ULK4: variants seen among roughly 807,000 people sequenced by gnomAD.
The protein encoded by ULK4 is inactive serine/threonine-protein kinase ULK4.
Under a neutral mutation model 160.6 loss-of-function variants are expected in ULK4, and 133 were observed. The ratio of observed to expected loss-of-function variants is 0.83; its 90% CI spans 0.72 to 0.96. The LOEUF (loss-of-function observed/expected upper bound fraction) is 0.96. Ranked by LOEUF, ULK4 falls within the 40% of genes least tolerant of loss-of-function variation. ULK4 has a pLI of 0.00. For missense variants in ULK4, 1,580 were observed against 1,499.5 expected, an observed-to-expected ratio of 1.05 and a Z score of -0.89; for synonymous variants, 534 against 539.8, an observed-to-expected ratio of 0.99 and a Z score of 0.15.
At position 41,581,283 on chromosome 3, in the gene ULK4, T is replaced by C. The variant is rs1443071224; in HGVS notation, c.3121-15153A>G. 2.0e-5 allele frequency among the ~76,000 whole-genome samples: 3 copies of C among 152,058 alleles called. No individual in the cohort carries two copies. In the South Asian group the frequency reaches 6.2e-4, roughly 32 times the overall value. Reference sequence around the variant, plus strand: ...GGTGGGGAGGCAGGCAGAGAGTACGTTTACCTTCTCAATCATAGGGTTTTG... The same window carrying C: ...GGTGGGGAGGCAGGCAGAGAGTACGCTTACCTTCTCAATCATAGGGTTTTG... On this transcript the variant is annotated intron_variant, in intron 31 of 36. Coordinates refer to ENST00000301831, the MANE Select transcript of ULK4 (RefSeq NM_017886.4).
At chr3:41,758,693 G>A in intron 21 of ULK4, among the ~76,000 whole-genome samples, 1 of 152,014 alleles carries the variant, frequency 6.6e-6, no homozygotes, top group East Asian at 1.9e-4. Flanking sequence ...AGATCACAGT[G>A]AAACCCCGTC....
intron 34 of ULK4, among the ~76,000 whole-genome samples, chr3:41,437,428 T>C (rs2125852790): frequency 6.6e-6 from 1 of 152,336 alleles, no homozygotes; most frequent in South Asian, 2.1e-4. Context: ...AATCACTATG[T>C]AGATATTTCT....
intron 35 of ULK4, among the ~76,000 whole-genome samples, chr3:41,330,826 T>C (rs188167752): frequency 1.9e-4 from 29 of 152,310 alleles, no homozygotes; most frequent in Admixed American, 3.9e-4. Context: ...CATGCTTACA[T>C]TGGCTACAGA....
chr3:41,316,049 C>T (rs770891505), intron 35 of ULK4, among the ~76,000 whole-genome samples: 2 of 151,944 alleles, frequency 1.3e-5, no homozygotes, highest in African/African-American at 4.8e-5. Flanking sequence ...TATGAACACA[C>T]AAAAAATGAA....
At chr3:41,336,329 T>C (rs1387997537) in intron 35 of ULK4, among the ~76,000 whole-genome samples, 1 of 152,184 alleles carries the variant, frequency 6.6e-6, no homozygotes, top group East Asian at 1.9e-4. Context: ...TTAAAGCTTA[T>C]AAGGAAACGT....
intron 17 of ULK4, among the ~76,000 whole-genome samples, chr3:41,862,093 T>TA (rs1390680439): frequency 2.6e-5 from 4 of 152,146 alleles, no homozygotes; most frequent in Non-Finnish European, 5.9e-5. Flanking sequence ...ACAAGCATGA[T>TA]ACTGCACCCA....
At chr3:41,721,358 A>ATTTTTT (rs1412977001) in intron 22 of ULK4, among the ~76,000 whole-genome samples, 1 of 61,254 alleles carries the variant, frequency 1.6e-5, no homozygotes, top group African/African-American at 9.6e-5. Context: ...ATATATATAT[A>ATTTTTT]TATATTTTTT....
At chr3:41,502,011 T>C (rs1215093468) in intron 32 of ULK4, among the ~76,000 whole-genome samples, 2 of 152,240 alleles carry the variant, frequency 1.3e-5, no homozygotes, top group Admixed American at 1.3e-4. Context: ...TCCATATTGC[T>C]ACAAATCATA....
At chr3:41,648,789 A>G (rs1048458148) in intron 30 of ULK4, among the ~76,000 whole-genome samples, 1 of 152,144 alleles carries the variant, frequency 6.6e-6, no homozygotes, top group Admixed American at 6.5e-5. Flanking sequence ...GCTCTCCAAC[A>G]TCACCAGTTT....
intron 17 of ULK4, among the ~76,000 whole-genome samples, chr3:41,865,270 TTAAAAAAAAAAAAAAAAA>T (rs1200002052): frequency 2.1e-4 from 14 of 65,638 alleles, no homozygotes; most frequent in African/African-American, 4.4e-4. Context: ...GACTCTGTCT[TTAAAAAAAAAAAAAAAAA>T]AAAAAAAAAA....
At chr3:41,832,453 G>A (rs2041624661) in intron 18 of ULK4, among the ~76,000 whole-genome samples, 1 of 152,134 alleles carries the variant, frequency 6.6e-6, no homozygotes, top group African/African-American at 2.4e-5. Flanking sequence ...TTTGTCAGAT[G>A]GGTAGATTGC....
At chr3:41,487,251 G>C (rs1483156347) in intron 32 of ULK4, among the ~76,000 whole-genome samples, 1 of 152,052 alleles carries the variant, frequency 6.6e-6, no homozygotes, top group Admixed American at 6.6e-5. Context: ...TCAATTAAAA[G>C]TATCTGTGAA....
Position 41,911,368 on chromosome 3 carries a change from C to T in ULK4, c.1034G>A (p.Arg345Gln), listed in dbSNP as rs529145272. 1.2e-5 allele frequency: 19 copies of T among 1,613,830 alleles called. No homozygotes were observed. Among genetic ancestry groups the T allele is most frequent in the African/African-American group, 5.3e-5 (4 of 74,956 alleles). Reference protein sequence around the residue: ...SFRLENPTEFRPKSTLEGQLN... With the variant: ...SFRLENPTEFQPKSTLEGQLN... The stretch of plus-strand genomic sequence containing the variant: ...TTGACCCTCAAGAGTACTCTTAGGC[C>T]GAAACTCAGTTGGATTTTCTGTAGC... The change falls in exon 11 of 37, where the codon CGG becomes CAG. Residue 345 changes from arginine to glutamine, a missense_variant. Arg to Gln is a conservative substitution (Grantham distance 43). Coordinates refer to ENST00000301831, the MANE Select transcript of ULK4 (RefSeq NM_017886.4).
intron 32 of ULK4, among the ~76,000 whole-genome samples, chr3:41,542,310 G>C (rs910728484): frequency 1.3e-5 from 2 of 152,080 alleles, no homozygotes; most frequent in Non-Finnish European, 2.9e-5. Flanking sequence ...TTTATGTGAT[G>C]TATTACATTT....
chr3:41,911,194 G>C (rs1385632248), intron 11 of ULK4, 123 bp downstream of exon 11: 11 of 883,782 alleles, frequency 1.2e-5, no homozygotes, highest in Admixed American at 1.1e-4. Flanking sequence ...AGTGAAACTG[G>C]CATTTGGCAC....
intron 1 of ULK4, among the ~76,000 whole-genome samples, chr3:41,955,965 A>C (rs1700469027): frequency 1.3e-5 from 2 of 152,208 alleles, no homozygotes; most frequent in African/African-American, 4.8e-5. Flanking sequence ...GTGAGGCAGG[A>C]GAACAGGGTC....
At position 41,499,796 on chromosome 3, in the gene ULK4, T is replaced by A. The variant is rs371665970; in HGVS notation, c.3227-36543A>T. 5.3e-5 allele frequency among the ~76,000 whole-genome samples: 8 copies of A among 152,318 alleles called. No homozygotes were observed. The South Asian group carries it at 1.7e-3, about 32-fold the overall frequency. ...TGGCTAGAAACTTCCTGCATTAAAG[T>A]CCTTCTTTAATATGAGAGTTTTGAT... is the stretch of plus-strand genomic sequence containing the variant. On this transcript the variant is annotated intron_variant, in intron 32 of 36. Coordinates refer to ENST00000301831, the MANE Select transcript of ULK4 (RefSeq NM_017886.4).
In ULK4 at chr3:41,428,161, T is replaced by C. The variant is rs2082820501; in HGVS notation, c.3492+27336A>G. Among the ~76,000 whole-genome samples the C allele has an allele frequency of 9.2e-5, 14 of 152,240 alleles. No homozygotes were observed. In the South Asian group the frequency reaches 2.9e-3, roughly 32 times the overall value. On this transcript the variant is annotated intron_variant, in intron 34 of 36. Transcript: ENST00000301831. ...ACAACCAAATCATAATGAACTCTCA[T>C]TCACAATTGTTACAAAGAGAATACA... is the stretch of plus-strand genomic sequence containing the variant.
Position 41,306,209 on chromosome 3 carries a change from G to A in ULK4, c.3679-56635C>T, listed in dbSNP as rs1270798281. Among the ~76,000 whole-genome samples, 18 of 89,512 alleles carry A rather than the reference G, an allele frequency of 2.0e-4. 2 individuals are homozygous for A. The highest frequency in any genetic ancestry group is 1.1e-3 in the East Asian group (3 of 2,730). The allele number at this position is 89,512 out of a possible 152,430, so 58.7% of individuals were successfully genotyped here. A position where few individuals can be genotyped will look rare whatever the true frequency, so the allele number is the denominator to read the frequency against. ...GGGGGGTCAGCCCCCCACCCCGCCC[G>A]GGAGGGAGGTGGGGGCGTCAGCCCC... On this transcript the variant is annotated intron_variant, in intron 35 of 36. Transcript: ENST00000301831.
Sources: gnomAD v4.1 joint callset for allele counts (sites outside exome capture counted in the v4.1 genomes callset) on GRCh38, gnomAD v4.1.1 for gene constraint, MANE v1.5 for transcripts, NCBI Gene and HGNC (gene_info 2026-07-23, HGNC 2026-07-21) for gene names.